BCL2L11: variants seen among roughly 807,000 people sequenced by gnomAD.
The protein encoded by BCL2L11 is BCL2 like 11, also known as bcl-2-like protein 11.
BCL2L11 carries 15 observed loss-of-function variants against 20.6 expected under a neutral mutation model. The ratio of observed to expected loss-of-function variants is 0.73; its 90% CI spans 0.49 to 1.12. BCL2L11 has a LOEUF of 1.12. Among genes scored for constraint, BCL2L11 ranks in the 50% most tolerant of loss-of-function variants. The probability of loss-of-function intolerance (pLI) is 0.00; values close to 1 mark genes in which losing one functional copy is unlikely to be tolerated. For synonymous variants in BCL2L11, 108 were observed against 92.8 expected (o/e 1.16, Z -0.94); for missense variants, 292 against 260.9 (o/e 1.12, Z -0.82).
At chr2:111,132,366 G>C (rs1442202923) in intron 2 of BCL2L11, 2 of 152,168 alleles carry the variant, frequency 1.3e-5, no homozygotes, top group Admixed American at 6.5e-5. Context: ...CTTGTAGCTA[G>C]GAAGTAATTC....
At chr2:111,150,388 T>A in intron 3 of BCL2L11, 1 of 616,198 alleles carries the variant, frequency 1.6e-6, no homozygotes, top group Non-Finnish European at 2.5e-6. Flanking sequence ...GCACAGACTT[T>A]AAAACAATGC....
chr2:111,145,920 C>CTTTTTTTT (rs58738963), intron 2 of BCL2L11: 1 of 732,592 alleles, frequency 1.4e-6, no homozygotes, highest in Non-Finnish European at 1.6e-6. Flanking sequence ...TAGTGGCTTT[C>CTTTTTTTT]TTTTTTTTTT....
At chr2:111,123,048 TCCGCCGCCCC>T in intron 1 of BCL2L11, 5 of 976,198 alleles carry the variant, frequency 5.1e-6, no homozygotes, top group Non-Finnish European at 6.1e-6. Flanking sequence ...TTCGTCGCCC[TCCGCCGCCCC>T]CTCCCCATTT....
intron 2 of BCL2L11, chr2:111,131,977 A>T (rs1423279739): frequency 6.6e-6 from 1 of 152,186 alleles, no homozygotes; most frequent in Non-Finnish European, 1.5e-5. Context: ...GCATTCGCAA[A>T]ACCAGGGTTA....
At chr2:111,141,259 C>T (rs2075750353) in intron 2 of BCL2L11, among the ~76,000 whole-genome samples, 1 of 151,862 alleles carries the variant, frequency 6.6e-6, no homozygotes, top group African/African-American at 2.4e-5. Context: ...GACTTGGAAC[C>T]AACCCAAATG....
intron 1 of BCL2L11, among the ~76,000 whole-genome samples, chr2:111,121,708 C>CAAA (rs916380142): frequency 1.3e-5 from 2 of 152,230 alleles, no homozygotes; most frequent in Non-Finnish European, 2.9e-5. Flanking sequence ...CACGGCTTTT[C>CAAA]CTTTTACTCA....
In BCL2L11 at chr2:111,140,510, C is replaced by T. The variant is rs531821608; in HGVS notation, c.395-9534C>T. On this transcript the variant is annotated intron_variant, in intron 2 of 3. Coordinates refer to ENST00000393256, the MANE Select transcript of BCL2L11 (RefSeq NM_138621.5). The stretch of plus-strand genomic sequence containing the variant: ...TTAAGTGGATGGAATCTGATTTTCT[C>T]TTAGGCACGTGCATCTGCGAAGGTG... 2.5e-4 allele frequency among the ~76,000 whole-genome samples: 38 copies of T among 152,236 alleles called. No homozygotes were observed. In the South Asian group the frequency reaches 6.8e-3, roughly 27 times the overall value.
At chr2:111,139,935 T>G (rs2075541233) in intron 2 of BCL2L11, among the ~76,000 whole-genome samples, 1 of 152,224 alleles carries the variant, frequency 6.6e-6, no homozygotes, top group Non-Finnish European at 1.5e-5. Flanking sequence ...GTTCTGCCTT[T>G]CTGTGTGGAC....
In BCL2L11 at chr2:111,123,740, G is replaced by C; in HGVS notation, c.-6G>C. On this transcript the variant is annotated 5_prime_UTR_variant, in exon 2 of 4. Transcript: ENST00000393256. ...TTTTTATTTTACTTGCAGAAAAAAA[G>C]ACCAAATGGCAAAGCAACCTTCTGA... is the stretch of plus-strand genomic sequence containing the variant. 1.5e-6 allele frequency: 2 copies of C among 1,379,254 alleles called. No individual in the cohort carries two copies. The highest frequency in any genetic ancestry group is 1.9e-6 in the Non-Finnish European group (2 of 1,059,334). 85.4% of individuals were successfully genotyped at this position (1,379,254 alleles called of 1,614,324 possible).
rs2071834607 is a variant in BCL2L11, at chr2:111,123,859, A to G, written c.114A>G (p.Thr38=). 6.3e-7 allele frequency: 1 copy of G among 1,594,034 alleles called. No individual in the cohort carries two copies. The highest frequency in any genetic ancestry group is 1.1e-5 in the South Asian group (1 of 87,908). Residue 38 remains threonine (T), a synonymous_variant, in exon 2 of 4, where the codon ACA becomes ACG. Coordinates refer to ENST00000393256, the MANE Select transcript of BCL2L11 (RefSeq NM_138621.5). ...CTGGGGCCCCTACCTCCCTACAGAC[A>G]GAGCCACAAGGTAATCCTGAAGGCA... is the stretch of plus-strand genomic sequence containing the variant. The part of the protein sequence containing the change: ...LRPGAPTSLQ[T]EPQGNPEGNH...
Position 111,164,197 on chromosome 2 carries a change from G to C in BCL2L11, c.563G>C (p.Arg188Pro). Residue 188 changes from arginine (R) to proline (P), a missense_variant, in exon 4 of 4, where the codon CGT becomes CCT. Transcript: ENST00000393256. ...HPRMVILRLL[R>P]YIVRLVWRMH ...CGAATGGTTATCTTACGACTGTTAC[G>C]TTACATTGTCCGCCTGGTGTGGAGA... 1 of 1,613,174 alleles carries C rather than the reference G, an allele frequency of 6.2e-7. No homozygotes were observed. The highest frequency in any genetic ancestry group is 8.5e-7 in the Non-Finnish European group (1 of 1,179,182).
Position 111,125,061 on chromosome 2 carries a change from A to G in BCL2L11, c.394+922A>G, listed in dbSNP as rs530439391. 1.1e-4 allele frequency among the ~76,000 whole-genome samples: 17 copies of G among 152,334 alleles called. No individual in the cohort carries two copies. In the South Asian group the frequency reaches 3.5e-3, roughly 32 times the overall value. Reference sequence around the variant, plus strand: ...GGAACTGACCTGGTGGAGACTGGTAAATTGGAGAGTATTTGCCCCTTCTAT... The same window carrying G: ...GGAACTGACCTGGTGGAGACTGGTAGATTGGAGAGTATTTGCCCCTTCTAT... On this transcript the variant is annotated intron_variant, in intron 2 of 3. Coordinates refer to ENST00000393256, the MANE Select transcript of BCL2L11 (RefSeq NM_138621.5).
chr2:111,160,736 C>T (rs1435031071), intron 3 of BCL2L11, among the ~76,000 whole-genome samples: 2 of 152,200 alleles, frequency 1.3e-5, no homozygotes, highest in Non-Finnish European at 2.9e-5. Flanking sequence ...TTGTAACTTA[C>T]TAGCAAATTT....
intron 2 of BCL2L11, among the ~76,000 whole-genome samples, chr2:111,137,433 T>G (rs553775321): frequency 6.6e-6 from 1 of 152,304 alleles, no homozygotes; most frequent in East Asian, 1.9e-4. Flanking sequence ...CCTAATCCAC[T>G]TCTGGTCCCT....
intron 2 of BCL2L11, among the ~76,000 whole-genome samples, chr2:111,129,790 C>T (rs1215718983): frequency 6.6e-6 from 1 of 152,212 alleles, no homozygotes; most frequent in Non-Finnish European, 1.5e-5. Context: ...TCTTCCTTAC[C>T]CATGATAACC....
rs1443644523 is a variant in BCL2L11, at chr2:111,167,055, CCTA to C, written c.*2827_*2829del. The C allele has an allele frequency of 6.6e-6, 1 of 152,510 alleles. No homozygotes were observed. Among genetic ancestry groups the C allele is most frequent in the Admixed American group, 6.5e-5 (1 of 15,270 alleles). 9.4% of individuals were successfully genotyped at this position (152,510 alleles called of 1,614,324 possible). A position where few individuals can be genotyped will look rare whatever the true frequency, so the allele number is the denominator to read the frequency against. On this transcript the variant is annotated 3_prime_UTR_variant, in exon 4 of 4. Transcript: ENST00000393256. ...TAGATTCTTTTTCTGTGTGATGTGTCCTACTGTTTCATAATGCTGTAACTTGTA... is the reference window on the plus strand; with the variant it reads ...TAGATTCTTTTTCTGTGTGATGTGTCCTGTTTCATAATGCTGTAACTTGTA...
intron 2 of BCL2L11, among the ~76,000 whole-genome samples, chr2:111,125,187 C>T (rs1325583869): frequency 6.6e-6 from 1 of 152,186 alleles, no homozygotes; most frequent in Non-Finnish European, 1.5e-5. Context: ...ATGCCAGATA[C>T]CCTGTTTCAA....
intron 3 of BCL2L11, among the ~76,000 whole-genome samples, chr2:111,152,928 A>C (rs1264489691): frequency 6.6e-6 from 1 of 152,232 alleles, no homozygotes; most frequent in Non-Finnish European, 1.5e-5. Context: ...TGCATATCTT[A>C]AAAATAATTC....
intron 2 of BCL2L11, among the ~76,000 whole-genome samples, chr2:111,139,929 T>C (rs12613243): frequency 0.092 from 14,029 of 152,316 alleles, 847 homozygotes; most frequent in African/African-American, 0.16. Context: ...CCTCCTGTTC[T>C]GCCTTTCTGT....
Sources: allele counts gnomAD v4.1 joint callset (sites outside exome capture counted in the v4.1 genomes callset), GRCh38; gene constraint gnomAD v4.1.1; transcripts MANE v1.5; gene names NCBI Gene and HGNC (gene_info 2026-07-23, HGNC 2026-07-21).